Variants in HNF1A observed in about 807,000 individuals in gnomAD.
HNF1A encodes the protein hepatocyte nuclear factor 1-alpha.
Under a neutral mutation model 62.2 loss-of-function variants are expected in HNF1A, and 21 were observed. That is an observed-to-expected ratio of 0.34 (90% confidence interval 0.24 to 0.49). The LOEUF (loss-of-function observed/expected upper bound fraction) is 0.49. HNF1A is among the 20% of genes least tolerant of loss of function. The pLI, the probability that HNF1A is intolerant of heterozygous loss-of-function variation, is 0.99. For synonymous variants in HNF1A, 374 were observed against 366.8 expected, an observed-to-expected ratio of 1.02 and a Z score of -0.22; for missense variants, 687 against 832.3, an observed-to-expected ratio of 0.83 and a Z score of 2.15.
At position 120,984,343 on chromosome 12, in the gene HNF1A, T is replaced by TGAGAATGAGA. The variant is rs762932092; in HGVS notation, c.327-4486_327-4485insATGAGAGAGA. 1.5e-3 allele frequency among the ~76,000 whole-genome samples: 218 copies of TGAGAATGAGA among 149,412 alleles called. 3 individuals carry two copies. Among genetic ancestry groups the TGAGAATGAGA allele is most frequent in the Non-Finnish European group, 2.2e-4 (15 of 67,270 alleles). On this transcript the variant is annotated intron_variant, in intron 1 of 9. Coordinates refer to ENST00000257555, the MANE Select transcript of HNF1A (RefSeq NM_000545.8). ...TTGACCTGGCATGAGAGAATGAGAA[T>TGAGAATGAGA]GAGAGAGAGAGAGAGAGAAAGAAAC... is the stretch of plus-strand genomic sequence containing the variant.
At chr12:120,999,732 AGGC>A in intron 9 of HNF1A, 105 bp downstream of exon 9, 13 of 1,412,746 alleles carry the variant, frequency 9.2e-6, no homozygotes, top group Non-Finnish European at 1.2e-5. Context: ...TGCATGCAGC[AGGC>A]CTAGGGCTGC....
Position 120,997,585 on chromosome 12 carries a change from A to G in HNF1A, c.1421A>G (p.Gln474Arg), listed in dbSNP as rs746009852. The G allele has an allele frequency of 1.2e-6, 2 of 1,613,874 alleles. No individual in the cohort carries two copies. The highest frequency in any genetic ancestry group is 1.7e-6 in the Non-Finnish European group (2 of 1,179,996). ...CAGCCGCTGCACCCCTCCTACCAGC[A>G]GCCGCTCATGCCACCTGTGCAGAGC... Reference protein sequence around the residue: ...FSQPLHPSYQQPLMPPVQSHV... With the variant: ...FSQPLHPSYQRPLMPPVQSHV... Residue 474 changes from glutamine (Q) to arginine (R), a missense_variant, in exon 7 of 10, where the codon CAG becomes CGG. Physicochemically the swap from Gln to Arg is conservative, Grantham distance 43. Coordinates refer to ENST00000257555, the MANE Select transcript of HNF1A (RefSeq NM_000545.8).
At chr12:120,986,607 T>C (rs1042765527) in intron 1 of HNF1A, among the ~76,000 whole-genome samples, 4 of 152,138 alleles carry the variant, frequency 2.6e-5, no homozygotes, top group African/African-American at 9.7e-5. Flanking sequence ...TGAGACGGAG[T>C]CTCACTCTGT....
chr12:121,000,971 C>G (rs1359949190), intron 9 of HNF1A, 94 bp from the exon 10 acceptor site: 2 of 1,537,442 alleles, frequency 1.3e-6, no homozygotes, highest in African/African-American at 2.7e-5. Flanking sequence ...GGAGGTGTGG[C>G]CCTGCCTCCC....
At chr12:120,991,702 C>T (rs1876849384) in intron 2 of HNF1A, among the ~76,000 whole-genome samples, 1 of 152,130 alleles carries the variant, frequency 6.6e-6, no homozygotes, top group African/African-American at 2.4e-5. Flanking sequence ...ACCCCTCATC[C>T]CAATTATTGG....
intron 2 of HNF1A, among the ~76,000 whole-genome samples, 179 bp from the exon 3 acceptor site, chr12:120,993,341 G>C (rs377183851): frequency 6.6e-6 from 1 of 152,236 alleles, no homozygotes; most frequent in African/African-American, 2.4e-5. Context: ...GGTTAAGAAA[G>C]TGATGGCATG....
chr12:120,997,806 G>T (rs1488337203), intron 7 of HNF1A, 141 bp downstream of exon 7: 1 of 893,054 alleles, frequency 1.1e-6, no homozygotes, highest in South Asian at 1.4e-5. Context: ...GAGGGTGTCT[G>T]CAGGCCAGTG....
chr12:120,990,620 GAAAGGGAGGAAAGAT>G (rs1565884454), intron 2 of HNF1A, among the ~76,000 whole-genome samples: 29 of 139,890 alleles, frequency 2.1e-4, no homozygotes, highest in African/African-American at 7.9e-4. Flanking sequence ...GGAAAGATAG[GAAAGGGAGGAAAGAT>G]AGGAAAGGGA....
intron 1 of HNF1A, 54 bp from the exon 2 acceptor site, chr12:120,988,779 C>T: frequency 6.4e-7 from 1 of 1,552,736 alleles, no homozygotes; most frequent in Non-Finnish European, 8.9e-7. Context: ...CGCAGCCCCA[C>T]CTATGGGGAG....
At position 120,993,507 on chromosome 12, in the gene HNF1A, T is replaced by C. The variant is rs903193115; in HGVS notation, c.527-13T>C. 6.2e-7 allele frequency: 1 copy of C among 1,613,636 alleles called. No individual in the cohort carries two copies. Among genetic ancestry groups the C allele is most frequent in the Non-Finnish European group, 8.5e-7 (1 of 1,179,850 alleles). On this transcript the variant is annotated splice_polypyrimidine_tract_variant and intron_variant, in intron 2 of 9. Coordinates refer to ENST00000257555, the MANE Select transcript of HNF1A (RefSeq NM_000545.8). ...GTGGCCAGTACCCCACTCACGGCTT[T>C]CTGTGCCTGCAGAGTTCACCCATGC...
At chr12:120,988,173 A>G (rs369411169) in intron 1 of HNF1A, among the ~76,000 whole-genome samples, 67 of 31,592 alleles carry the variant, frequency 2.1e-3, no homozygotes, top group Admixed American at 0.01. Flanking sequence ...CATTCATCCA[A>G]CCATCCATCC....
intron 2 of HNF1A, among the ~76,000 whole-genome samples, chr12:120,991,891 C>T (rs1009052018): frequency 1.2e-4 from 19 of 152,212 alleles, no homozygotes; most frequent in East Asian, 1.9e-4. Flanking sequence ...TTACAATATT[C>T]GATAAAATGC....
chr12:120,997,503 C>T lies in HNF1A; in HGVS notation c.1339C>T (p.Pro447Ser), dbSNP rs868776330. ...GLASTQAQSV[P>S]VINSMGSSLT... ...GGCCTCCACGCAGGCACAGAGTGTG[C>T]CGGTCATCAACAGCATGGGCAGCAG... The change falls in exon 7 of 10, where the codon CCG becomes TCG. Residue 447 changes from proline (P) to serine (S), a missense_variant. Pro to Ser is a moderately conservative substitution (Grantham distance 74). Transcript: ENST00000257555. 1.2e-6 allele frequency: 2 copies of T among 1,611,582 alleles called. No homozygotes were observed. The highest frequency in any genetic ancestry group is 8.5e-7 in the Non-Finnish European group (1 of 1,179,406).
At chr12:120,987,936 C>T (rs1283780575) in intron 1 of HNF1A, among the ~76,000 whole-genome samples, 1 of 152,118 alleles carries the variant, frequency 6.6e-6, no homozygotes, top group African/African-American at 2.4e-5. Context: ...ATCCATATTT[C>T]TTTCCTTGTT....
At chr12:120,987,293 T>G (rs1325536455) in intron 1 of HNF1A, among the ~76,000 whole-genome samples, 1 of 151,560 alleles carries the variant, frequency 6.6e-6, no homozygotes, top group Non-Finnish European at 1.5e-5. Flanking sequence ...GCTAACACGG[T>G]GAAACCCCGT....
intron 1 of HNF1A, among the ~76,000 whole-genome samples, chr12:120,982,126 A>G (rs1029886778): frequency 6.6e-6 from 1 of 152,054 alleles, no homozygotes; most frequent in African/African-American, 2.4e-5. Flanking sequence ...GCTGGAGTGC[A>G]TGGCGCGATC....
At chr12:120,980,479 G>A (rs749703489) in intron 1 of HNF1A, among the ~76,000 whole-genome samples, 2 of 152,074 alleles carry the variant, frequency 1.3e-5, no homozygotes, top group Admixed American at 6.5e-5. Flanking sequence ...GGCAGGAAGA[G>A]GAGGGCAAAG....
Position 120,999,745 on chromosome 12 carries a change from C to A in HNF1A, c.1768+118C>A, listed in dbSNP as rs1877332505. 4.5e-6 allele frequency: 6 copies of A among 1,327,382 alleles called. No homozygotes were observed. In the South Asian group the frequency reaches 7.5e-5, roughly 16 times the overall value. The allele number at this position is 1,327,382 out of a possible 1,614,324, so 82.2% of individuals were successfully genotyped here. The stretch of plus-strand genomic sequence containing the variant: ...TGTGCATGCAGCAGGCCTAGGGCTG[C>A]TGTGAGGAAGCACTGGCAGGCGTGG... On this transcript the variant is annotated intron_variant, in intron 9 of 9. Coordinates refer to ENST00000257555, the MANE Select transcript of HNF1A (RefSeq NM_000545.8).
intron 7 of HNF1A, among the ~76,000 whole-genome samples, chr12:120,998,671 T>C (rs890769518): frequency 2.6e-5 from 4 of 152,188 alleles, no homozygotes; most frequent in African/African-American, 9.7e-5. Flanking sequence ...TGTGTGTCTC[T>C]TGTAGGGTCT....
Sources: gnomAD v4.1 joint callset for allele counts (sites outside exome capture counted in the v4.1 genomes callset) on GRCh38, gnomAD v4.1.1 for gene constraint, MANE v1.5 for transcripts, NCBI Gene and HGNC (gene_info 2026-07-23, HGNC 2026-07-21) for gene names.